The following DSN1 variants were observed in gnomAD, a reference collection of about 807,000 sequenced individuals.
DSN1 encodes DSN1 component of MIS12 kinetochore complex.
A neutral mutation model predicts 45.7 loss-of-function variants in DSN1; 31 were observed. The observed-to-expected ratio is 0.68, with a 90% CI of 0.51 to 0.92. DSN1 has a LOEUF of 0.92. DSN1 is among the 40% of genes least tolerant of loss of function. The probability of loss-of-function intolerance (pLI) is 0.00; values close to 1 mark genes in which losing one functional copy is unlikely to be tolerated. For synonymous variants in DSN1, 134 were observed against 142.3 expected (o/e 0.94, Z 0.41); for missense variants, 394 against 414.2 (o/e 0.95, Z 0.42).
intron 8 of DSN1, 49 bp downstream of exon 8, chr20:36,758,038 T>G (rs1287336966): frequency 6.5e-7 from 1 of 1,538,796 alleles, no homozygotes; most frequent in East Asian, 2.3e-5. Flanking sequence ...TAAACACCAA[T>G]CAAACTCCAT....
intron 5 of DSN1, among the ~76,000 whole-genome samples, chr20:36,764,723 C>T (rs1444976291): frequency 1.3e-5 from 2 of 152,098 alleles, no homozygotes; most frequent in African/African-American, 4.8e-5. Flanking sequence ...GAGTTTGAGA[C>T]CAGCCTGGCC....
chr20:36,773,683 C>T lies in DSN1; in HGVS notation c.-37G>A. On this transcript the variant is annotated 5_prime_UTR_variant, in exon 1 of 11. Transcript: ENST00000373750. ...GTACCTGAAACACAAGGCCACGGGTCGCTCTCCACAGCCCCAGGTCACTCC... is the reference window on the plus strand; with the variant it reads ...GTACCTGAAACACAAGGCCACGGGTTGCTCTCCACAGCCCCAGGTCACTCC... 4 of 985,680 alleles carry T rather than the reference C, an allele frequency of 4.1e-6. No individual in the cohort carries two copies. The highest frequency in any genetic ancestry group is 4.8e-6 in the Non-Finnish European group (4 of 830,104). The allele number at this position is 985,680 out of a possible 1,614,324, so 61.1% of individuals were successfully genotyped here.
intron 1 of DSN1, among the ~76,000 whole-genome samples, chr20:36,772,343 C>T (rs1987695480): frequency 6.6e-6 from 1 of 151,660 alleles, no homozygotes; most frequent in African/African-American, 2.4e-5. Flanking sequence ...GGCTGGAGTG[C>T]AGTGGCGCAG....
Position 36,754,821 on chromosome 20 carries a change from C to G in DSN1, c.903G>C (p.Gln301His). 2 of 1,613,884 alleles carry G rather than the reference C, an allele frequency of 1.2e-6. No homozygotes were observed. Among genetic ancestry groups the G allele is most frequent in the Non-Finnish European group, 1.7e-6 (2 of 1,179,832 alleles). ...TACTTTCATCCATAAAGGCCTGCAG[C>G]TGTTTCACTGATCCTTGCAGTTCAT... ...VMDELQGSVK[Q>H]LQAFMDESTQ... Residue 301 changes from glutamine to histidine, a missense_variant, in exon 10 of 11, where the codon CAG (glutamine) becomes CAC (histidine). Gln to His is a conservative substitution (Grantham distance 24). Coordinates refer to ENST00000373750, the MANE Select transcript of DSN1 (RefSeq NM_001145315.2).
At chr20:36,753,358 G>C (rs1390220660) in intron 10 of DSN1, among the ~76,000 whole-genome samples, 1 of 150,444 alleles carries the variant, frequency 6.6e-6, no homozygotes, top group Non-Finnish European at 1.5e-5. Context: ...AAAAAAAAGG[G>C]TGGCTCATGC....
intron 5 of DSN1, among the ~76,000 whole-genome samples, chr20:36,766,194 C>CAAAAAAAAAAAA (rs368772931): frequency 2.1e-5 from 1 of 48,018 alleles, no homozygotes; most frequent in African/African-American, 7.1e-5. Flanking sequence ...GACTCCATCT[C>CAAAAAAAAAAAA]AAAAAAAAAA....
chr20:36,760,496 T>TATTTGTGCC (rs1377659249), intron 6 of DSN1, among the ~76,000 whole-genome samples: 2 of 152,134 alleles, frequency 1.3e-5, no homozygotes, highest in Non-Finnish European at 2.9e-5. Flanking sequence ...AAAAACAAAT[T>TATTTGTGCC]ATTTGTGCCA....
intron 1 of DSN1, chr20:36,773,286 CAG>C (rs1987744382): frequency 1.3e-6 from 1 of 745,828 alleles, no homozygotes; most frequent in African/African-American, 1.9e-5. Context: ...ACTTTGCAGA[CAG>C]GGGAACTGAG....
At chr20:36,761,528 G>A (rs528312536) in intron 6 of DSN1, among the ~76,000 whole-genome samples, 4 of 152,146 alleles carry the variant, frequency 2.6e-5, no homozygotes, top group Admixed American at 1.3e-4. Flanking sequence ...GAGCCCAGGA[G>A]TTCTAAAGGC....
At chr20:36,764,168 C>T (rs927965319) in intron 5 of DSN1, among the ~76,000 whole-genome samples, 1 of 151,580 alleles carries the variant, frequency 6.6e-6, no homozygotes, top group African/African-American at 2.4e-5. Flanking sequence ...CTACAGTTAA[C>T]TGTGATCATG....
At chr20:36,760,260 A>G (rs1431812247) in intron 6 of DSN1, among the ~76,000 whole-genome samples, 2 of 151,968 alleles carry the variant, frequency 1.3e-5, no homozygotes, top group African/African-American at 4.8e-5. Context: ...AAACAAAAAC[A>G]AAAACAAAAA....
chr20:36,767,920 A>G, intron 4 of DSN1, 49 bp downstream of exon 4: 1 of 1,569,764 alleles, frequency 6.4e-7, no homozygotes, highest in Non-Finnish European at 8.8e-7. Context: ...AGATTGTCAC[A>G]ATAGCAGTTA....
In DSN1 at chr20:36,758,580, C is replaced by T; in HGVS notation, c.628G>A (p.Glu210Lys). ...TACTTTGTTATGTATTCCTTCATCT[C>T]AGCCACAGATGCTTCCAAAGAAAAA... is the stretch of plus-strand genomic sequence containing the variant. Reference protein sequence around the residue: ...SDFSLEASVAEMKEYITKFSL... With the variant: ...SDFSLEASVAKMKEYITKFSL... Residue 210 changes from glutamate to lysine, a missense_variant, in exon 7 of 11, where the codon GAG (glutamate) becomes AAG (lysine). By Grantham distance (56) the Glu-to-Lys change is moderately conservative. Transcript: ENST00000373750. 6.2e-7 allele frequency: 1 copy of T among 1,611,718 alleles called. No individual in the cohort carries two copies. The highest frequency in any genetic ancestry group is 8.5e-7 in the Non-Finnish European group (1 of 1,179,512).
chr20:36,760,846 C>A lies in DSN1; in HGVS notation c.590+1615G>T, dbSNP rs553853445. ...CAGAGGTTGCAGTGAGTAGAGATTG[C>A]GCCATTACACTCCAGCCTGGGTGAC... On this transcript the variant is annotated intron_variant, in intron 6 of 10. Coordinates refer to ENST00000373750, the MANE Select transcript of DSN1 (RefSeq NM_001145315.2). Among the ~76,000 whole-genome samples, 10 of 152,106 alleles carry A rather than the reference C, an allele frequency of 6.6e-5. No homozygotes were observed. The East Asian group carries it at 1.9e-3, about 29-fold the overall frequency.
intron 5 of DSN1, among the ~76,000 whole-genome samples, chr20:36,763,058 T>A (rs1424037515): frequency 6.6e-6 from 1 of 152,240 alleles, no homozygotes; most frequent in African/African-American, 2.4e-5. Flanking sequence ...CCAGCCTTTA[T>A]GACATTTATG....
chr20:36,772,349 C>T (rs1191814581), intron 1 of DSN1, among the ~76,000 whole-genome samples: 4 of 151,480 alleles, frequency 2.6e-5, no homozygotes, highest in Admixed American at 1.3e-4. Flanking sequence ...AGTGCAGTGG[C>T]GCAGTCTCGG....
rs891480455 is a variant in DSN1 at position 36,770,767 on chromosome 20, T to C, written c.355+106A>G. On this transcript the variant is annotated intron_variant, in intron 3 of 10. Coordinates refer to ENST00000373750, the MANE Select transcript of DSN1 (RefSeq NM_001145315.2). ...AGTACTTATAAAGTAGCAAGTCATG[T>C]CTATTCTCCCACACTTTCTGCCATA... is the stretch of plus-strand genomic sequence containing the variant. The C allele has an allele frequency of 3.1e-6, 4 of 1,273,446 alleles. No homozygotes were observed. The African/African-American group carries it at 6.0e-5, about 19-fold the overall frequency. The allele number at this position is 1,273,446 out of a possible 1,614,324, so 78.9% of individuals were successfully genotyped here.
chr20:36,753,773 A>G (rs1986513745), intron 10 of DSN1, among the ~76,000 whole-genome samples: 1 of 149,476 alleles, frequency 6.7e-6, no homozygotes. Context: ...TTGGGAGGCC[A>G]AGGCAGGTGG....
At chr20:36,754,178 T>C (rs977249197) in intron 10 of DSN1, among the ~76,000 whole-genome samples, 1 of 151,664 alleles carries the variant, frequency 6.6e-6, no homozygotes, top group Non-Finnish European at 1.5e-5. Context: ...AAATTAAAAA[T>C]TTAGCTGGGT....
Sources: gnomAD v4.1 joint callset for allele counts (sites outside exome capture counted in the v4.1 genomes callset) on GRCh38, gnomAD v4.1.1 for gene constraint, MANE v1.5 for transcripts, NCBI Gene and HGNC (gene_info 2026-07-23, HGNC 2026-07-21) for gene names.